The following SULT4A1 variants were observed in gnomAD, a reference collection of about 807,000 sequenced individuals.
SULT4A1 encodes sulfotransferase family 4A member 1, also known as sulfotransferase 4A1.
A neutral mutation model predicts 35.2 loss-of-function variants in SULT4A1; 11 were observed. The observed-to-expected ratio is 0.31, with a 90% CI of 0.20 to 0.52. The LOEUF (loss-of-function observed/expected upper bound fraction) is 0.52. Ranked by LOEUF, SULT4A1 falls within the 20% of genes least tolerant of loss-of-function variation. The pLI is 0.97. For missense variants in SULT4A1, 271 were observed against 383.7 expected, an observed-to-expected ratio of 0.71 and a Z score of 2.45; for synonymous variants, 152 against 151.8, an observed-to-expected ratio of 1.00 and a Z score of -0.01.
chr22:43,826,466 G>A lies in SULT4A1; in HGVS notation c.743-353C>T, dbSNP rs1211652052. The A allele has an allele frequency of 1.3e-5, 13 of 985,202 alleles. No individual in the cohort carries two copies. The South Asian group carries it at 3.8e-4, about 28-fold the overall frequency. The allele number at this position is 985,202 out of a possible 1,614,324, so 61.0% of individuals were successfully genotyped here. ...CAGCACCTAGAACGGCACCTGGCAC[G>A]TGGCAGGTGTTTAATAAACATCCCA... is the stretch of plus-strand genomic sequence containing the variant. On this transcript the variant is annotated intron_variant, in intron 6 of 6. Coordinates refer to ENST00000330884, the MANE Select transcript of SULT4A1 (RefSeq NM_014351.4).
chr22:43,832,859 CCTGT>C (rs1457221203), intron 5 of SULT4A1, among the ~76,000 whole-genome samples: 2 of 152,124 alleles, frequency 1.3e-5, no homozygotes, highest in Admixed American at 6.5e-5. Context: ...ACCCAGCTCT[CCTGT>C]CTGTCTCCCA....
chr22:43,859,497 C>A (rs1216075825), intron 1 of SULT4A1, among the ~76,000 whole-genome samples: 1 of 152,242 alleles, frequency 6.6e-6, no homozygotes, highest in East Asian at 1.9e-4. Context: ...GGGACGAGCA[C>A]CCAATTCAAA....
chr22:43,846,160 A>C (rs919829226), intron 1 of SULT4A1, among the ~76,000 whole-genome samples: 1 of 152,222 alleles, frequency 6.6e-6, no homozygotes, highest in East Asian at 1.9e-4. Flanking sequence ...CTCTGAGCCC[A>C]ACCGGCCCTT....
At chr22:43,854,928 A>G (rs557338666) in intron 1 of SULT4A1, among the ~76,000 whole-genome samples, 1 of 152,226 alleles carries the variant, frequency 6.6e-6, no homozygotes, top group Non-Finnish European at 1.5e-5. Context: ...GGCGACAGTC[A>G]TGAGGACTCT....
At chr22:43,861,527 A>G (rs2049468063) in intron 1 of SULT4A1, among the ~76,000 whole-genome samples, 1 of 152,254 alleles carries the variant, frequency 6.6e-6, no homozygotes, top group South Asian at 2.1e-4. Context: ...CCCCTCTCTG[A>G]GCCTCTGTGC....
intron 4 of SULT4A1, among the ~76,000 whole-genome samples, chr22:43,836,189 T>G: frequency 7.6e-6 from 1 of 132,042 alleles, no homozygotes; most frequent in Non-Finnish European, 1.6e-5. Context: ...CTACACAGCG[T>G]CCTCCGACTG....
At chr22:43,846,321 G>A (rs1374750714) in intron 1 of SULT4A1, among the ~76,000 whole-genome samples, 1 of 152,192 alleles carries the variant, frequency 6.6e-6, no homozygotes, top group Non-Finnish European at 1.5e-5. Context: ...CGATTCCAAT[G>A]TGCTATCTAC....
In SULT4A1 at chr22:43,825,839, G is replaced by T; in HGVS notation, c.*162C>A. 1 of 659,664 alleles carries T rather than the reference G, an allele frequency of 1.5e-6. No individual in the cohort carries two copies. Among genetic ancestry groups the T allele is most frequent in the Non-Finnish European group, 2.6e-6 (1 of 389,050 alleles). 40.9% of individuals were successfully genotyped at this position (659,664 alleles called of 1,614,324 possible). ...AAAGGCGAGACAGCTGCTTTCGGTT[G>T]GGAATCATCACACTCCCTCCGCTCA... On this transcript the variant is annotated 3_prime_UTR_variant, in exon 7 of 7. Coordinates refer to ENST00000330884, the MANE Select transcript of SULT4A1 (RefSeq NM_014351.4).
rs1556468594 is a variant in SULT4A1, at chr22:43,862,427, C to CCGCACG, written c.-51_-46dup. 14 of 934,182 alleles carry CCGCACG rather than the reference C, an allele frequency of 1.5e-5. No individual in the cohort carries two copies. In the African/African-American group the frequency reaches 2.3e-4, roughly 15 times the overall value. 57.9% of individuals were successfully genotyped at this position (934,182 alleles called of 1,614,324 possible). On this transcript the variant is annotated 5_prime_UTR_variant, in exon 1 of 7. Transcript: ENST00000330884. ...CCGCCGCCGCCTCCCGGCTCGCAGC[C>CCGCACG]CGCACGCGCCCGCGCCCGCGCCCGC... is the stretch of plus-strand genomic sequence containing the variant.
chr22:43,838,464 C>T (rs2063395639), intron 4 of SULT4A1, among the ~76,000 whole-genome samples: 1 of 152,250 alleles, frequency 6.6e-6, no homozygotes, highest in East Asian at 1.9e-4. Context: ...GCCAAAGGCC[C>T]ATGCCTGTCA....
chr22:43,842,868 G>C (rs2063445413), intron 1 of SULT4A1, among the ~76,000 whole-genome samples: 1 of 152,066 alleles, frequency 6.6e-6, no homozygotes, highest in South Asian at 2.1e-4. Context: ...GATATGTGCT[G>C]GTTTCCATCT....
chr22:43,832,218 C>T (rs925289709), intron 5 of SULT4A1, among the ~76,000 whole-genome samples: 1 of 152,200 alleles, frequency 6.6e-6, no homozygotes, highest in Non-Finnish European at 1.5e-5. Flanking sequence ...CTAAATGTGG[C>T]TCTGTGTCAA....
chr22:43,858,049 CAAAAAAAAAA>C, intron 1 of SULT4A1, among the ~76,000 whole-genome samples: 1 of 91,760 alleles, frequency 1.1e-5, no homozygotes, highest in South Asian at 4.3e-4. Context: ...GATCCTGTCT[CAAAAAAAAAA>C]AAAAAAAAGG....
At chr22:43,849,920 G>A (rs1286648344) in intron 1 of SULT4A1, among the ~76,000 whole-genome samples, 1 of 152,176 alleles carries the variant, frequency 6.6e-6, no homozygotes, top group Non-Finnish European at 1.5e-5. Flanking sequence ...GTGCTGCTGC[G>A]GGGCTGGTAC....
In SULT4A1 at chr22:43,826,020, G is replaced by A. The variant is rs540773885; in HGVS notation, c.836C>T (p.Thr279Met). Residue 279 changes from threonine to methionine, a missense_variant, in exon 7 of 7, where the codon ACG (threonine) becomes ATG (methionine). Physicochemically the swap from Thr to Met is moderately conservative, Grantham distance 81. Transcript: ENST00000330884. ...CTGTTATTATAAATAAAAGTCAAAC[G>A]TGAGGTCACACTTTCCCATCTTCTG... ...YKQKMGKCDL[T>M]FDFYL 3.0e-5 allele frequency: 48 copies of A among 1,614,018 alleles called. 1 individual carries two copies. Among genetic ancestry groups the A allele is most frequent in the South Asian group, 2.5e-4 (23 of 91,046 alleles).
chr22:43,845,016 C>A (rs1373398687), intron 1 of SULT4A1, among the ~76,000 whole-genome samples: 2 of 152,114 alleles, frequency 1.3e-5, no homozygotes, highest in Non-Finnish European at 2.9e-5. Context: ...AAAGGTAACT[C>A]CCAGGGAGAA....
intron 1 of SULT4A1, among the ~76,000 whole-genome samples, chr22:43,842,198 CCT>C (rs916084266): frequency 2.0e-5 from 3 of 152,152 alleles, no homozygotes; most frequent in South Asian, 2.1e-4. Flanking sequence ...GAACCCAGCC[CCT>C]GTTATGGAAG....
rs116683277 is a variant in SULT4A1, at chr22:43,846,961, C to A, written c.170-5029G>T. On this transcript the variant is annotated intron_variant, in intron 1 of 6. Transcript: ENST00000330884. The stretch of plus-strand genomic sequence containing the variant: ...TTCTCTGCACGTTAAAGTCTTCTTA[C>A]ATCAATATCGGCCACTTCAGTTCCA... 3.3e-3 allele frequency among the ~76,000 whole-genome samples: 500 copies of A among 152,338 alleles called. 6 individuals carry two copies. The highest frequency in any genetic ancestry group is 0.011 in the African/African-American group (474 of 41,566).
chr22:43,838,223 G>A (rs769600848), intron 4 of SULT4A1, among the ~76,000 whole-genome samples: 19 of 152,378 alleles, frequency 1.2e-4, no homozygotes, highest in South Asian at 2.1e-4. Context: ...GCCTGGTCCC[G>A]CCTTCCTTGA....
Sources: allele counts gnomAD v4.1 joint callset (sites outside exome capture counted in the v4.1 genomes callset), GRCh38; gene constraint gnomAD v4.1.1; transcripts MANE v1.5; gene names NCBI Gene and HGNC (gene_info 2026-07-23, HGNC 2026-07-21).